Variants in RIMBP2 observed in about 807,000 individuals in gnomAD.
RIMBP2 encodes RIMS-binding protein 2.
A neutral mutation model predicts 118.6 loss-of-function variants in RIMBP2; 48 were observed. The observed-to-expected ratio is 0.40, with a 90% CI of 0.32 to 0.51. The LOEUF is 0.51. Ranked by LOEUF, RIMBP2 falls within the 20% of genes least tolerant of loss-of-function variation. The pLI is 0.41. For synonymous variants in RIMBP2, 762 were observed against 742.9 expected, an observed-to-expected ratio of 1.03 and a Z score of -0.42; for missense variants, 1,551 against 1,768.3, an observed-to-expected ratio of 0.88 and a Z score of 2.20.
In RIMBP2 at chr12:130,525,372, A is replaced by G. The variant is rs2139216925; in HGVS notation, c.-216-7455T>C. Among the ~76,000 whole-genome samples the G allele has an allele frequency of 6.6e-6, 1 of 152,276 alleles. No individual in the cohort carries two copies. Among genetic ancestry groups the G allele is most frequent in the Non-Finnish European group, 1.5e-5 (1 of 68,006 alleles). ...CAGCATCAATGGGTGGGAGATAAAG[A>G]GGAAGAGGGAGGAGATGCTTTTTTG... On this transcript the variant is annotated intron_variant, in intron 2 of 22. Coordinates refer to ENST00000690449, the MANE Select transcript of RIMBP2 (RefSeq NM_001393629.1). The surrounding 1 kb of genome is among the most constrained non-coding windows in gnomAD (Gnocchi z 4.4).
rs2078205471 is a variant in RIMBP2 at position 130,442,418 on chromosome 12, C to T, written c.934G>A (p.Asp312Asn). The change falls in exon 11 of 23, where the codon GAC becomes AAC. Residue 312 changes from aspartate (D) to asparagine (N), a missense_variant. By Grantham distance (23) the Asp-to-Asn change is conservative. Around this residue, in one of 5 missense-constraint regions of RIMBP2, gnomAD observed 265 missense variants for 349.5 expected, o/e 0.76. Transcript: ENST00000690449. The surrounding 1 kb of genome is among the most constrained non-coding windows in gnomAD (Gnocchi z 6.9). ...ATTTTTCTAGGGTAAGGCACGATGT[C>T]TTCTCCGATGTCGTCGATGTTCACG... ...LDVNIDDIGE[D>N]IVPYPRKITL... is the part of the protein sequence containing the mutation. 3 of 1,614,030 alleles carry T rather than the reference C, an allele frequency of 1.9e-6. No individual in the cohort carries two copies. The Admixed American group carries it at 5.0e-5, about 27-fold the overall frequency.
chr12:130,406,522 T>C (rs1593183291), intron 20 of RIMBP2, among the ~76,000 whole-genome samples: 1 of 152,244 alleles, frequency 6.6e-6, no homozygotes, highest in Admixed American at 6.5e-5. Flanking sequence ...TAATACATTT[T>C]TAAAGCTAGT....
chr12:130,593,131 T>C (rs1417512994), intron 2 of RIMBP2, among the ~76,000 whole-genome samples: 3 of 152,176 alleles, frequency 2.0e-5, no homozygotes, highest in Non-Finnish European at 4.4e-5. Flanking sequence ...CAGCACATTC[T>C]CCACCAGCCC....
Position 130,406,215 on chromosome 12 carries a change from A to G in RIMBP2, c.3722T>C (p.Ile1241Thr). The G allele has an allele frequency of 6.2e-7, 1 of 1,605,196 alleles. No individual in the cohort carries two copies. The highest frequency in any genetic ancestry group is 8.5e-7 in the Non-Finnish European group (1 of 1,173,714). The stretch of plus-strand genomic sequence containing the variant: ...ATCAATTTCACCAAAAACTGTAATA[A>G]TATCTCCTGTGCAAAATGTAAGTTC... ...EAELTFCTGDIITVFGEIDED... is the reference protein window; with the variant it reads ...EAELTFCTGDTITVFGEIDED... Residue 1241 changes from isoleucine (I) to threonine (T), a missense_variant, in exon 21 of 23, where the codon ATT becomes ACT. Ile to Thr is a moderately conservative substitution (Grantham distance 89). Around this residue, in one of 5 missense-constraint regions of RIMBP2, gnomAD observed 1,038 missense variants for 1,125.1 expected, o/e 0.92. Transcript: ENST00000690449.
At position 130,397,297 on chromosome 12, in the gene RIMBP2, G is replaced by A; in HGVS notation, c.*64C>T. 1 of 398,084 alleles carries A rather than the reference G, an allele frequency of 2.5e-6. No homozygotes were observed. The highest frequency in any genetic ancestry group is 4.4e-6 in the Non-Finnish European group (1 of 225,788). The allele number at this position is 398,084 out of a possible 1,614,324, so 24.7% of individuals were successfully genotyped here. On this transcript the variant is annotated 3_prime_UTR_variant, in exon 23 of 23. Transcript: ENST00000690449. ...TTTTTTTAGGAAGTACTTGAGTCATGAAAGCCCTAGTTTGGAATTAAAGAA... is the reference window on the plus strand; with the variant it reads ...TTTTTTTAGGAAGTACTTGAGTCATAAAAGCCCTAGTTTGGAATTAAAGAA...
chr12:130,698,119 G>A (rs1175532041), intron 1 of RIMBP2, among the ~76,000 whole-genome samples: 5 of 152,250 alleles, frequency 3.3e-5, no homozygotes, highest in Admixed American at 6.5e-5. Context: ...GACAGAGAAG[G>A]ACAGGGAAGG....
chr12:130,601,329 G>A (rs1222783477), intron 2 of RIMBP2, among the ~76,000 whole-genome samples: 1 of 114,720 alleles, frequency 8.7e-6, no homozygotes, highest in Non-Finnish European at 1.7e-5. Flanking sequence ...GGTCAAAGAG[G>A]GCAGGCAAAA....
At chr12:130,479,056 T>C (rs1306559403) in intron 4 of RIMBP2, 40 bp from the exon 5 acceptor site, 2 of 1,543,592 alleles carry the variant, frequency 1.3e-6, no homozygotes, top group East Asian at 2.2e-5. Flanking sequence ...CAGGGCAGCC[T>C]GTGCCCATGG....
rs1291851367 is a variant in RIMBP2, at chr12:130,431,179, G to T, written c.2254-2842C>A. 6.6e-6 allele frequency among the ~76,000 whole-genome samples: 1 copy of T among 152,054 alleles called. No individual in the cohort carries two copies. The highest frequency in any genetic ancestry group is 2.1e-4 in the South Asian group (1 of 4,816). ...CCTCCCTTCTTTCATTCATTCATTC[G>T]ACAAACATTCATTGAGCACCTACTA... On this transcript the variant is annotated intron_variant, in intron 14 of 22. Transcript: ENST00000690449. This position sits in a 1 kb window ranked among gnomAD's most constrained non-coding sequence, Gnocchi z 4.0.
At position 130,438,348 on chromosome 12, in the gene RIMBP2, A is replaced by AC; in HGVS notation, c.1656+16dup. ...AGGGCCTAACAAACCCTCCCCACCC[A>AC]CCCAACGAAAACTCACCCTCTGCCC... is the stretch of plus-strand genomic sequence containing the variant. On this transcript the variant is annotated intron_variant, in intron 12 of 22. Coordinates refer to ENST00000690449, the MANE Select transcript of RIMBP2 (RefSeq NM_001393629.1). 5.7e-5 allele frequency: 37 copies of AC among 654,344 alleles called. No individual in the cohort carries two copies. The highest frequency in any genetic ancestry group is 7.5e-5 in the Non-Finnish European group (31 of 412,326). 40.5% of individuals were successfully genotyped at this position (654,344 alleles called of 1,614,324 possible).
rs1949870721 is a variant in RIMBP2 at position 130,710,899 on chromosome 12, C to T, written c.-352+5323G>A. On this transcript the variant is annotated intron_variant, in intron 1 of 22. Transcript: ENST00000690449. The surrounding 1 kb of genome is among the most constrained non-coding windows in gnomAD (Gnocchi z 4.3). ...GGCCCCGCACGTCACACGTGGGGTC[C>T]CATGGAGCCCTGACAGCCACCTCCC... Among the ~76,000 whole-genome samples the T allele has an allele frequency of 6.6e-6, 1 of 152,252 alleles. No homozygotes were observed. The highest frequency in any genetic ancestry group is 1.5e-5 in the Non-Finnish European group (1 of 68,044).
intron 2 of RIMBP2, among the ~76,000 whole-genome samples, chr12:130,533,591 A>G (rs2053705068): frequency 6.6e-6 from 1 of 152,248 alleles, no homozygotes; most frequent in Admixed American, 6.5e-5. Context: ...TCATTGTATC[A>G]AAAAGACACC....
At position 130,566,851 on chromosome 12, in the gene RIMBP2, C is replaced by T. The variant is rs2057258062; in HGVS notation, c.-216-48934G>A. On this transcript the variant is annotated intron_variant, in intron 2 of 22. Coordinates refer to ENST00000690449, the MANE Select transcript of RIMBP2 (RefSeq NM_001393629.1). ...TAACTGATACAACACAATAACTAAG[C>T]AATACCATGCTGCTCAATGTCTCCT... 2.0e-5 allele frequency among the ~76,000 whole-genome samples: 3 copies of T among 152,356 alleles called. No individual in the cohort carries two copies. The South Asian group carries it at 6.2e-4, about 32-fold the overall frequency.
At chr12:130,538,331 G>A (rs980126474) in intron 2 of RIMBP2, among the ~76,000 whole-genome samples, 1 of 113,276 alleles carries the variant, frequency 8.8e-6, no homozygotes, top group Non-Finnish European at 1.7e-5. Context: ...TCTTGGGTCT[G>A]CATTTCCACA....
intron 2 of RIMBP2, among the ~76,000 whole-genome samples, chr12:130,570,108 C>G (rs1422002785): frequency 6.6e-6 from 1 of 152,170 alleles, no homozygotes; most frequent in African/African-American, 2.4e-5. Flanking sequence ...TCTCTTTCCT[C>G]TCTCTCTGTG....
At chr12:130,486,324 CT>C (rs34712906) in intron 4 of RIMBP2, among the ~76,000 whole-genome samples, 6,524 of 152,260 alleles carry the variant, frequency 0.043, 200 homozygotes, top group South Asian at 0.13. Flanking sequence ...GTCTCTCCCC[CT>C]GACCTCTGCA....
chr12:130,434,618 T>C lies in RIMBP2; in HGVS notation c.2253+116A>G. 8.6e-7 allele frequency: 1 copy of C among 1,165,510 alleles called. No individual in the cohort carries two copies. The highest frequency in any genetic ancestry group is 1.2e-6 in the Non-Finnish European group (1 of 845,878). The allele number at this position is 1,165,510 out of a possible 1,614,324, so 72.2% of individuals were successfully genotyped here. A position where few individuals can be genotyped will look rare whatever the true frequency, so the allele number is the denominator to read the frequency against. ...TTAGGACCCCAGCTGGGCGTCTCCA[T>C]CTCTCTCAGGGACCCAAGGGTAGCG... On this transcript the variant is annotated intron_variant, in intron 14 of 22. Transcript: ENST00000690449. This position sits in a 1 kb window ranked among gnomAD's most constrained non-coding sequence, Gnocchi z 5.7.
At chr12:130,673,332 G>T (rs1248134551) in intron 1 of RIMBP2, among the ~76,000 whole-genome samples, 1 of 152,166 alleles carries the variant, frequency 6.6e-6, no homozygotes. Context: ...CCTGTTGCCG[G>T]CACAAAGAGG....
chr12:130,679,913 A>G (rs925745542), intron 1 of RIMBP2, among the ~76,000 whole-genome samples: 35 of 151,178 alleles, frequency 2.3e-4, no homozygotes, highest in Admixed American at 1.9e-3. Flanking sequence ...TCATGCAGGC[A>G]GTGTGTTCAC....
Sources: gnomAD v4.1 joint callset for allele counts (sites outside exome capture counted in the v4.1 genomes callset) on GRCh38, gnomAD v4.1.1 for gene constraint, gnomAD v4.1.1 regional missense constraint, Gnocchi (gnomAD v3.1) non-coding constraint, MANE v1.5 for transcripts, NCBI Gene and HGNC (gene_info 2026-07-23, HGNC 2026-07-21) for gene names.